CCDC18: variants seen among roughly 807,000 people sequenced by gnomAD.
CCDC18 encodes coiled-coil domain-containing protein 18.
CCDC18 carries 157 observed loss-of-function variants against 196.0 expected under a neutral mutation model. The ratio of observed to expected loss-of-function variants is 0.80; its 90% CI spans 0.70 to 0.91. The LOEUF is 0.91. Among genes scored for constraint, CCDC18 ranks in the 40% least tolerant of loss-of-function variants. CCDC18 has a pLI of 0.00. For missense variants in CCDC18, 1,465 were observed against 1,611.6 expected (o/e 0.91, Z 1.56); for synonymous variants, 482 against 529.2 (o/e 0.91, Z 1.22).
At chr1:93,207,428 G>A in intron 9 of CCDC18, 30 bp downstream of exon 9, 1 of 1,486,224 alleles carries the variant, frequency 6.7e-7, no homozygotes, top group Non-Finnish European at 9.0e-7. Flanking sequence ...TAATGGAAAA[G>A]AAGAATTTTA....
At chr1:93,237,063 A>T (rs974399283) in intron 19 of CCDC18, among the ~76,000 whole-genome samples, 6 of 152,220 alleles carry the variant, frequency 3.9e-5, no homozygotes, top group African/African-American at 1.4e-4. Context: ...TTCTACCAAC[A>T]GGAGTCAAGA....
intron 28 of CCDC18, among the ~76,000 whole-genome samples, chr1:93,272,048 A>G (rs552455672): frequency 6.6e-6 from 1 of 152,342 alleles, no homozygotes; most frequent in African/African-American, 2.4e-5. Flanking sequence ...TTTTTAAAAA[A>G]TGCCTAACAT....
chr1:93,183,516 AT>A (rs748556588), intron 2 of CCDC18, 21 bp downstream of exon 2: 2 of 1,562,470 alleles, frequency 1.3e-6, no homozygotes, highest in Non-Finnish European at 1.7e-6. Flanking sequence ...AAAATCACAT[AT>A]AGAATTCACT....
At chr1:93,260,190 C>T (rs1663590078) in intron 26 of CCDC18, among the ~76,000 whole-genome samples, 1 of 152,146 alleles carries the variant, frequency 6.6e-6, no homozygotes, top group Non-Finnish European at 1.5e-5. Context: ...TCGAGACCAG[C>T]CTGACCAACA....
intron 4 of CCDC18, among the ~76,000 whole-genome samples, chr1:93,186,746 C>T (rs1157113431): frequency 6.6e-6 from 1 of 151,828 alleles, no homozygotes; most frequent in Non-Finnish European, 1.5e-5. Flanking sequence ...GTTAAGATTA[C>T]CAATTTGTGT....
In CCDC18 at chr1:93,245,402, C is replaced by T. The variant is rs541895063; in HGVS notation, c.2982-703C>T. On this transcript the variant is annotated intron_variant, in intron 21 of 28. Coordinates refer to ENST00000690025, the MANE Select transcript of CCDC18 (RefSeq NM_001378204.1). ...CAAAATCTTCTTTTAAAAATTAGTA[C>T]CCTTATCAGTACTATTTCATATTTC... Among the ~76,000 whole-genome samples the T allele has an allele frequency of 1.3e-3, 197 of 152,140 alleles. 1 individual carries two copies. The highest frequency in any genetic ancestry group is 4.5e-3 in the African/African-American group (186 of 41,538).
chr1:93,227,174 C>CTTTTTTTT (rs36053002), intron 17 of CCDC18, among the ~76,000 whole-genome samples: 38 of 103,688 alleles, frequency 3.7e-4, no homozygotes, highest in Non-Finnish European at 4.9e-4. Context: ...CATTGGAAAC[C>CTTTTTTTT]TTTTTTTTTT....
chr1:93,180,415 A>G, upstream of CCDC18: 1 of 1,244,254 alleles, frequency 8.0e-7, no homozygotes, highest in Non-Finnish European at 1.1e-6. Context: ...CAGTTCTCCA[A>G]AGGGTAGGGA....
rs186170436 is a variant in CCDC18, at chr1:93,193,894, T to A, written c.698+150T>A. 614 of 553,670 alleles carry A rather than the reference T, an allele frequency of 1.1e-3. 2 individuals carry two copies. The highest frequency in any genetic ancestry group is 0.011 in the African/African-American group (535 of 49,772). The allele number at this position is 553,670 out of a possible 1,614,324, so 34.3% of individuals were successfully genotyped here. A position where few individuals can be genotyped will look rare whatever the true frequency, so the allele number is the denominator to read the frequency against. On this transcript the variant is annotated intron_variant, in intron 6 of 28. Transcript: ENST00000690025. ...GTTCTTTTTTATCTATTAATTTTTTTAAATTTTCCATTAAAATGTTTATAT... is the reference window on the plus strand; with the variant it reads ...GTTCTTTTTTATCTATTAATTTTTTAAAATTTTCCATTAAAATGTTTATAT...
chr1:93,238,047 A>G (rs529825377), intron 19 of CCDC18, among the ~76,000 whole-genome samples: 13 of 152,296 alleles, frequency 8.5e-5, no homozygotes, highest in African/African-American at 2.6e-4. Flanking sequence ...TGAGGCATAT[A>G]CAGTTCTGTT....
intron 23 of CCDC18, among the ~76,000 whole-genome samples, chr1:93,247,339 A>T (rs1467863495): frequency 2.0e-5 from 3 of 152,216 alleles, no homozygotes; most frequent in African/African-American, 7.2e-5. Flanking sequence ...TTTAGTGTAT[A>T]GAAATGCTAC....
At chr1:93,232,661 T>C (rs1659425588) in intron 18 of CCDC18, 68 bp downstream of exon 18, 2 of 1,245,032 alleles carry the variant, frequency 1.6e-6, no homozygotes, top group Non-Finnish European at 2.2e-6. Context: ...ATGAATAGAT[T>C]TTTCGTTAGT....
At chr1:93,191,294 A>G (rs1437282018) in intron 4 of CCDC18, among the ~76,000 whole-genome samples, 1 of 152,160 alleles carries the variant, frequency 6.6e-6, no homozygotes, top group Non-Finnish European at 1.5e-5. Flanking sequence ...TTCTTCTGAT[A>G]ATAAACTTTC....
chr1:93,272,319 T>C (rs1157531171), intron 28 of CCDC18, among the ~76,000 whole-genome samples: 2 of 152,208 alleles, frequency 1.3e-5, no homozygotes, highest in Admixed American at 1.3e-4. Flanking sequence ...TGAATGAATA[T>C]TTATGAATGT....
intron 17 of CCDC18, among the ~76,000 whole-genome samples, chr1:93,228,412 C>T (rs1658730581): frequency 6.6e-6 from 1 of 151,346 alleles, no homozygotes; most frequent in Admixed American, 6.6e-5. Context: ...CAGAGCAGAA[C>T]AGGGGAAAGC....
chr1:93,180,885 G>T (rs763794781), intron 1 of CCDC18, 33 bp downstream of exon 1: 2 of 1,365,120 alleles, frequency 1.5e-6, no homozygotes, highest in Non-Finnish European at 2.0e-6. Context: ...TTTGGGTGGT[G>T]AGCGACTGCG....
At chr1:93,217,621 T>C (rs1004128389) in intron 13 of CCDC18, 117 bp from the exon 14 acceptor site, 5 of 791,602 alleles carry the variant, frequency 6.3e-6, no homozygotes, top group African/African-American at 5.3e-5. Context: ...GTATTTTTCA[T>C]AGAGACGGGG....
At chr1:93,254,368 C>A in intron 23 of CCDC18, 103 bp from the exon 24 acceptor site, 2 of 835,960 alleles carry the variant, frequency 2.4e-6, no homozygotes, top group Non-Finnish European at 3.6e-6. Context: ...TTATATTTTG[C>A]TTTTAGATAT....
Position 93,217,749 on chromosome 1 carries a change from AAAGAT to A in CCDC18, c.1846_1850del (p.Ile616GlufsTer7). On this transcript the variant is annotated frameshift_variant, in exon 14 of 29. Transcript: ENST00000690025. LOFTEE classifies it high-confidence loss of function. Reference sequence around the variant, plus strand: ...TTTTGTGTTTCTAGGAAAAGAATGAAAAGATAAGGAGTCTAGAAACCAATATTAAT... The same window carrying A: ...TTTTGTGTTTCTAGGAAAAGAATGAAAAGGAGTCTAGAAACCAATATTAAT... 1 of 1,598,964 alleles carries A rather than the reference AAAGAT, an allele frequency of 6.3e-7. No homozygotes were observed.
Sources: allele counts gnomAD v4.1 joint callset (sites outside exome capture counted in the v4.1 genomes callset), GRCh38; gene constraint gnomAD v4.1.1; transcripts MANE v1.5; gene names NCBI Gene and HGNC (gene_info 2026-07-23, HGNC 2026-07-21).